TPD52: variants seen among roughly 807,000 people sequenced by gnomAD.
TPD52 encodes prostate and colon associated protein.
TPD52 carries 17 observed loss-of-function variants against 31.3 expected under a neutral mutation model. The ratio of observed to expected loss-of-function variants is 0.54; its 90% CI spans 0.37 to 0.82. The LOEUF (loss-of-function observed/expected upper bound fraction) is 0.82, where lower values mean the gene tolerates loss of function less well. Ranked by LOEUF, TPD52 falls within the 40% of genes least tolerant of loss-of-function variation. TPD52 has a pLI of 0.00. For synonymous variants in TPD52, 83 were observed against 89.6 expected, an observed-to-expected ratio of 0.93 and a Z score of 0.42; for missense variants, 212 against 240.1, an observed-to-expected ratio of 0.88 and a Z score of 0.77.
intron 1 of TPD52, among the ~76,000 whole-genome samples, chr8:80,107,146 C>T (rs61404208): frequency 0.2 from 30,749 of 152,104 alleles, 5,656 homozygotes; most frequent in African/African-American, 0.49. Context: ...CCACCATGCC[C>T]GGCCATAAAT....
intron 1 of TPD52, among the ~76,000 whole-genome samples, chr8:80,137,363 T>C (rs927508903): frequency 6.6e-6 from 1 of 152,206 alleles, no homozygotes; most frequent in Non-Finnish European, 1.5e-5. Flanking sequence ...TGATTATTTA[T>C]GGCAAATTAT....
At chr8:80,133,047 G>A (rs1809136152) in intron 1 of TPD52, among the ~76,000 whole-genome samples, 1 of 152,174 alleles carries the variant, frequency 6.6e-6, no homozygotes, top group Admixed American at 6.5e-5. Context: ...TGAAAACTGA[G>A]TGTAGAGTTC....
At chr8:80,058,120 T>C (rs10107002) in intron 2 of TPD52, among the ~76,000 whole-genome samples, 108,764 of 152,088 alleles carry the variant, frequency 0.72, 39,838 homozygotes, top group African/African-American at 0.89. Flanking sequence ...CTGAGAACTG[T>C]CAAGGATTTG....
downstream of TPD52, among the ~76,000 whole-genome samples, chr8:80,032,392 T>A (rs897679605): frequency 1.1e-4 from 16 of 152,178 alleles, no homozygotes; most frequent in African/African-American, 3.9e-4. Flanking sequence ...GATCCTGCTG[T>A]AACCACTCCT....
chr8:80,098,338 G>A (rs1039068094), intron 1 of TPD52, among the ~76,000 whole-genome samples: 1 of 152,120 alleles, frequency 6.6e-6, no homozygotes, highest in Non-Finnish European at 1.5e-5. Flanking sequence ...GGTGGGTCTG[G>A]GCAAAGTACA....
intron 6 of TPD52, among the ~76,000 whole-genome samples, 181 bp downstream of exon 6, chr8:80,043,986 C>T (rs765708007): frequency 6.6e-6 from 1 of 152,148 alleles, no homozygotes; most frequent in Non-Finnish European, 1.5e-5. Context: ...AAACATTTAA[C>T]GGATCTCTTG....
intron 1 of TPD52, among the ~76,000 whole-genome samples, chr8:80,167,202 T>C (rs1206787764): frequency 1.3e-5 from 2 of 152,296 alleles, no homozygotes; most frequent in Admixed American, 6.5e-5. Context: ...TACCCACTAG[T>C]TTAAATAAAA....
intron 1 of TPD52, among the ~76,000 whole-genome samples, chr8:80,156,660 T>C (rs1364630811): frequency 6.6e-6 from 1 of 151,924 alleles, no homozygotes; most frequent in African/African-American, 2.4e-5. Flanking sequence ...GGAAAAAGAA[T>C]AGGAGAAACA....
rs1025690359 is a variant in TPD52 at position 80,171,509 on chromosome 8, G to A, written c.-66C>T. 63 of 1,500,862 alleles carry A rather than the reference G, an allele frequency of 4.2e-5. No individual in the cohort carries two copies. Among genetic ancestry groups the A allele is most frequent in the Non-Finnish European group, 5.2e-5 (59 of 1,137,830 alleles). 93.0% of individuals were successfully genotyped at this position (1,500,862 alleles called of 1,614,324 possible). ...CCTGCAGCCCGTCCCGGCTCGGATC[G>A]CCCGCCGCGCCGCGCAGAGCTCCTC... On this transcript the variant is annotated 5_prime_UTR_variant, in exon 1 of 8. Coordinates refer to ENST00000518937, the MANE Select transcript of TPD52 (RefSeq NM_001025253.3).
At chr8:80,147,120 G>A (rs1228083679) in intron 1 of TPD52, among the ~76,000 whole-genome samples, 1 of 152,074 alleles carries the variant, frequency 6.6e-6, no homozygotes, top group Non-Finnish European at 1.5e-5. Flanking sequence ...CTAAGAAAAG[G>A]TTGGCCAGAC....
intron 1 of TPD52, among the ~76,000 whole-genome samples, chr8:80,094,555 GATGGAAA>G (rs1305366220): frequency 6.9e-6 from 1 of 144,236 alleles, no homozygotes; most frequent in Non-Finnish European, 1.5e-5. Context: ...GGGAGTTACT[GATGGAAA>G]CATATTGCCA....
At chr8:80,050,999 A>T (rs1811321886) in intron 4 of TPD52, among the ~76,000 whole-genome samples, 2 of 149,156 alleles carry the variant, frequency 1.3e-5, no homozygotes, top group Non-Finnish European at 2.9e-5. Context: ...GACTAATCTA[A>T]ATGAAAAAAA....
chr8:80,042,176 T>A, intron 7 of TPD52: 1 of 985,186 alleles, frequency 1.0e-6, no homozygotes, highest in Non-Finnish European at 1.2e-6. Flanking sequence ...TTATGATGTA[T>A]GGCTACTTCT....
chr8:80,085,589 T>C (rs112200724), intron 1 of TPD52, among the ~76,000 whole-genome samples: 2,203 of 151,912 alleles, frequency 0.015, 26 homozygotes, highest in Middle Eastern at 0.037. Context: ...CTAGCCAATA[T>C]GGGACAATCA....
chr8:80,062,307 C>T (rs774354179), intron 2 of TPD52, among the ~76,000 whole-genome samples: 6 of 152,174 alleles, frequency 3.9e-5, no homozygotes, highest in African/African-American at 1.2e-4. Context: ...AAGGATGCCA[C>T]GAGCATTCAC....
intron 1 of TPD52, among the ~76,000 whole-genome samples, chr8:80,145,246 T>C (rs1172375893): frequency 6.6e-6 from 1 of 152,190 alleles, no homozygotes; most frequent in East Asian, 1.9e-4. Flanking sequence ...AACAGCTAAG[T>C]GAAAAGCAGA....
In TPD52 at chr8:80,043,524, C is replaced by T. The variant is rs147571448; in HGVS notation, c.455+643G>A. On this transcript the variant is annotated intron_variant, in intron 6 of 7. Coordinates refer to ENST00000518937, the MANE Select transcript of TPD52 (RefSeq NM_001025253.3). Reference sequence around the variant, plus strand: ...AGTGTGGGCCCCAGACCAGCTGCTGCTGCAGCTATCAGGAAGTCATAAGCA... The same window carrying T: ...AGTGTGGGCCCCAGACCAGCTGCTGTTGCAGCTATCAGGAAGTCATAAGCA... 7.9e-3 allele frequency among the ~76,000 whole-genome samples: 1,197 copies of T among 152,266 alleles called. 8 individuals carry two copies. Among genetic ancestry groups the T allele is most frequent in the South Asian group, 0.039 (188 of 4,818 alleles).
intron 1 of TPD52, among the ~76,000 whole-genome samples, chr8:80,133,822 A>C (rs540095303): frequency 4.9e-4 from 74 of 152,000 alleles, no homozygotes; most frequent in African/African-American, 1.5e-3. Flanking sequence ...CATTTGAGGG[A>C]AGCTGGGCAA....
intron 1 of TPD52, among the ~76,000 whole-genome samples, chr8:80,080,133 T>G (rs891231952): frequency 6.6e-6 from 1 of 152,198 alleles, no homozygotes; most frequent in Non-Finnish European, 1.5e-5. Flanking sequence ...AGTATACACA[T>G]ATTCTAAATA....
Sources: allele counts gnomAD v4.1 joint callset (sites outside exome capture counted in the v4.1 genomes callset), GRCh38; gene constraint gnomAD v4.1.1; transcripts MANE v1.5; gene names NCBI Gene and HGNC (gene_info 2026-07-23, HGNC 2026-07-21).